PDE1C: variants seen among roughly 807,000 people sequenced by gnomAD.
PDE1C encodes the protein phosphodiesterase 1C, also known as dual specificity calcium/calmodulin-dependent 3',5'-cyclic nucleotide phosphodiesterase 1C.
PDE1C carries 62 observed loss-of-function variants against 93.1 expected under a neutral mutation model. The observed-to-expected ratio is 0.67, with a 90% CI of 0.54 to 0.82. PDE1C has a LOEUF of 0.82. Ranked by LOEUF, PDE1C falls within the 40% of genes least tolerant of loss-of-function variation. The pLI is 0.00. For synonymous variants in PDE1C, 325 were observed against 310.1 expected (o/e 1.05, Z -0.50); for missense variants, 742 against 884.6 (o/e 0.84, Z 2.04).
chr7:32,133,716 C>CA lies in PDE1C; in HGVS notation c.308+36068dup, dbSNP rs573894204. Reference sequence around the variant, plus strand: ...ATCAATACTCTTTGGGGCAACATAACAAAATCTAGAATCTCTGCAATACAT... The same window carrying CA: ...ATCAATACTCTTTGGGGCAACATAACAAAAATCTAGAATCTCTGCAATACAT... On this transcript the variant is annotated intron_variant, in intron 3 of 18. Coordinates refer to the PDE1C transcript ENST00000396193. Among the ~76,000 whole-genome samples, 942 of 152,234 alleles carry CA rather than the reference C, an allele frequency of 6.2e-3. 6 individuals carry two copies. The highest frequency in any genetic ancestry group is 0.01 in the Middle Eastern group (3 of 294).
At chr7:32,108,397 G>A (rs1284996907) in intron 3 of PDE1C, among the ~76,000 whole-genome samples, 1 of 151,128 alleles carries the variant, frequency 6.6e-6, no homozygotes, top group African/African-American at 2.4e-5. Context: ...TTGAAATACA[G>A]GTTGAGAAAG....
At chr7:32,279,844 A>C (rs1472585846) in intron 1 of PDE1C, among the ~76,000 whole-genome samples, 1 of 152,188 alleles carries the variant, frequency 6.6e-6, no homozygotes, top group Non-Finnish European at 1.5e-5. Context: ...TATAAGGGCA[A>C]AAACCTAATT....
chr7:32,418,283 A>G (rs1785316901), intron 1 of PDE1C, among the ~76,000 whole-genome samples: 1 of 152,138 alleles, frequency 6.6e-6, no homozygotes, highest in Non-Finnish European at 1.5e-5. Flanking sequence ...AGTTCAGCAC[A>G]AGGCTTAAGA....
intron 3 of PDE1C, among the ~76,000 whole-genome samples, chr7:32,090,489 C>T (rs112985672): frequency 3.9e-5 from 6 of 152,284 alleles, no homozygotes; most frequent in African/African-American, 9.6e-5. Context: ...AAGCAGGGGC[C>T]TCAGCACCAA....
intron 2 of PDE1C, among the ~76,000 whole-genome samples, chr7:32,015,026 G>A (rs1244855648): frequency 2.6e-5 from 4 of 152,058 alleles, no homozygotes; most frequent in Non-Finnish European, 5.9e-5. Flanking sequence ...CACAAGATCT[G>A]ATGGTTTCAC....
the PDE1C span, among the ~76,000 whole-genome samples, chr7:31,736,615 A>G: frequency 6.6e-6 from 1 of 152,188 alleles, no homozygotes; most frequent in African/African-American, 2.4e-5. Context: ...TGCTAATGCT[A>G]GAGCCTTTAA....
At chr7:32,198,638 G>C (rs898931520) in intron 2 of PDE1C, among the ~76,000 whole-genome samples, 2 of 152,146 alleles carry the variant, frequency 1.3e-5, no homozygotes, top group Admixed American at 1.3e-4. Flanking sequence ...GGATGAAAAA[G>C]CGATAAAGAA....
At chr7:32,387,964 C>A (rs113532513) in intron 1 of PDE1C, among the ~76,000 whole-genome samples, 13 of 152,314 alleles carry the variant, frequency 8.5e-5, no homozygotes, top group African/African-American at 3.1e-4. Flanking sequence ...ACACTTATGC[C>A]TTTGTGTCCC....
At chr7:31,894,130 C>T (rs1221491710) in intron 2 of PDE1C, among the ~76,000 whole-genome samples, 2 of 152,206 alleles carry the variant, frequency 1.3e-5, no homozygotes, top group African/African-American at 4.8e-5. Flanking sequence ...AAAGAGACAA[C>T]AAGGGAATCA....
At chr7:31,738,015 C>T in the PDE1C span, among the ~76,000 whole-genome samples, 1 of 152,068 alleles carries the variant, frequency 6.6e-6, no homozygotes, top group Non-Finnish European at 1.5e-5. Context: ...GCTGGAGTTC[C>T]TTTACCTATC....
At chr7:32,112,812 G>T in intron 3 of PDE1C, among the ~76,000 whole-genome samples, 1 of 80,542 alleles carries the variant, frequency 1.2e-5, no homozygotes, top group South Asian at 3.6e-4. Flanking sequence ...ATATGTGTGT[G>T]TGTGTGTGTG....
At chr7:32,229,760 G>A (rs1054344289) in intron 1 of PDE1C, among the ~76,000 whole-genome samples, 1 of 152,160 alleles carries the variant, frequency 6.6e-6, no homozygotes, top group Non-Finnish European at 1.5e-5. Context: ...GGCACAGCTG[G>A]GACCTGCATC....
At chr7:31,953,638 G>A (rs539188147) in intron 2 of PDE1C, among the ~76,000 whole-genome samples, 32 of 152,212 alleles carry the variant, frequency 2.1e-4, no homozygotes, top group African/African-American at 7.7e-4. Context: ...TTTGACACAG[G>A]AGCCCCATTC....
chr7:32,297,890 G>A (rs1483531661), intron 1 of PDE1C, among the ~76,000 whole-genome samples: 1 of 149,392 alleles, frequency 6.7e-6, no homozygotes, highest in Non-Finnish European at 1.5e-5. Flanking sequence ...GAATCTCTCT[G>A]TTCTCTTCTC....
At chr7:32,262,031 T>TA (rs1423629950) in intron 1 of PDE1C, among the ~76,000 whole-genome samples, 3 of 119,786 alleles carry the variant, frequency 2.5e-5, no homozygotes, top group Admixed American at 9.5e-5. Flanking sequence ...TTTTTTTTTT[T>TA]AATGTGACAT....
chr7:31,632,449 AAAAT>A, the PDE1C span, among the ~76,000 whole-genome samples: 4 of 152,148 alleles, frequency 2.6e-5, no homozygotes, highest in African/African-American at 4.8e-5. Context: ...TCCTTCTCAA[AAAAT>A]AAATAAATAA....
intron 3 of PDE1C, among the ~76,000 whole-genome samples, chr7:32,130,270 T>G (rs1799844594): frequency 6.6e-6 from 1 of 151,908 alleles, no homozygotes; most frequent in African/African-American, 2.4e-5. Context: ...TGCCACAGAG[T>G]TTTTTCTGGA....
intron 4 of PDE1C, among the ~76,000 whole-genome samples, chr7:31,878,633 T>C (rs1477640621): frequency 6.6e-6 from 1 of 152,252 alleles, no homozygotes; most frequent in South Asian, 2.1e-4. Flanking sequence ...AAATGAACTG[T>C]CTTCCCTGGG....
rs936916640 is a variant in PDE1C at position 32,230,140 on chromosome 7, C to T, written c.86-20601G>A. 5.5e-4 allele frequency among the ~76,000 whole-genome samples: 84 copies of T among 152,170 alleles called. 1 individual carries two copies. Among genetic ancestry groups the T allele is most frequent in the African/African-American group, 1.8e-3 (74 of 41,438 alleles). ...AGCTTCTAAGCCCTCCCATGTGGCT[C>T]TCAAGGCAATCGTCATCCACCTTGA... On this transcript the variant is annotated intron_variant, in intron 1 of 18. Coordinates refer to the PDE1C transcript ENST00000396193.
Sources: allele counts gnomAD v4.1 joint callset (sites outside exome capture counted in the v4.1 genomes callset), GRCh38; gene constraint gnomAD v4.1.1; transcripts MANE v1.5; gene names NCBI Gene and HGNC (gene_info 2026-07-23, HGNC 2026-07-21).